Variants in CHMP4B observed in about 807,000 individuals in gnomAD.
CHMP4B encodes the protein SNF7 homolog associated with Alix 1.
Under a neutral mutation model 25.1 loss-of-function variants are expected in CHMP4B, and 1 was observed. The ratio of observed to expected loss-of-function variants is 0.04; its 90% confidence interval spans 0.01 to 0.19. The LOEUF (loss-of-function observed/expected upper bound fraction) is 0.19, where lower values mean the gene tolerates loss of function less well. Among genes scored for constraint, CHMP4B ranks in the 10% least tolerant of loss-of-function variants. The pLI is 1.00. For synonymous variants in CHMP4B, 101 were observed against 115.6 expected (o/e 0.87, Z 0.81); for missense variants, 151 against 289.7 (o/e 0.52, Z 3.48).
intron 4 of CHMP4B, among the ~76,000 whole-genome samples, chr20:33,852,555 G>T (rs537945224): frequency 3.3e-5 from 5 of 152,264 alleles, no homozygotes; most frequent in African/African-American, 1.2e-4. Flanking sequence ...AGTAGCAACC[G>T]CCATGAGTTA....
At chr20:33,836,609 G>A (rs1979398753) in intron 1 of CHMP4B, among the ~76,000 whole-genome samples, 1 of 152,080 alleles carries the variant, frequency 6.6e-6, no homozygotes, top group African/African-American at 2.4e-5. Context: ...TCAGTATTCT[G>A]CTGAATACTT....
intron 1 of CHMP4B, among the ~76,000 whole-genome samples, chr20:33,822,928 A>G (rs1253180471): frequency 2.0e-5 from 3 of 151,742 alleles, no homozygotes; most frequent in African/African-American, 4.8e-5. Flanking sequence ...CTGAGTAGCT[A>G]CAGGTGCCCA....
At chr20:33,840,221 G>C (rs1320405760) in intron 1 of CHMP4B, among the ~76,000 whole-genome samples, 1 of 151,406 alleles carries the variant, frequency 6.6e-6, no homozygotes, top group Non-Finnish European at 1.5e-5. Context: ...ACTCTAGCCT[G>C]GGTGACAGTG....
At chr20:33,838,822 T>C (rs1306627707) in intron 1 of CHMP4B, among the ~76,000 whole-genome samples, 2 of 152,052 alleles carry the variant, frequency 1.3e-5, no homozygotes, top group Non-Finnish European at 2.9e-5. Context: ...GCCTGCTGGG[T>C]CTAGGAAGTG....
chr20:33,829,397 T>C (rs1442300820), intron 1 of CHMP4B, among the ~76,000 whole-genome samples: 1 of 152,192 alleles, frequency 6.6e-6, no homozygotes, highest in Non-Finnish European at 1.5e-5. Flanking sequence ...TGCCTTTCCC[T>C]TGGGAAGCAG....
rs750777455 is a variant in CHMP4B, at chr20:33,838,082, C to T, written c.191-10385C>T. Among the ~76,000 whole-genome samples the T allele has an allele frequency of 6.6e-5, 10 of 152,278 alleles. No homozygotes were observed. The South Asian group carries it at 8.3e-4, about 13-fold the overall frequency. On this transcript the variant is annotated intron_variant, in intron 1 of 4. Coordinates refer to ENST00000217402, the MANE Select transcript of CHMP4B (RefSeq NM_176812.5). ...AAGCCAGATTCGGAATCACAGGACC[C>T]GTGTTGCAGGTTGTGTCTAGATACA...
chr20:33,845,025 C>T (rs1435921782), intron 1 of CHMP4B, among the ~76,000 whole-genome samples: 1 of 152,226 alleles, frequency 6.6e-6, no homozygotes, highest in African/African-American at 2.4e-5. Context: ...CCCCAAAGTG[C>T]TGGGACTACA....
intron 1 of CHMP4B, among the ~76,000 whole-genome samples, chr20:33,840,137 T>C (rs1360988833): frequency 2.0e-5 from 3 of 151,952 alleles, no homozygotes; most frequent in Admixed American, 6.5e-5. Flanking sequence ...TCCCAGCTCC[T>C]TGGGAGGCTG....
At chr20:33,832,485 T>G (rs982057394) in intron 1 of CHMP4B, among the ~76,000 whole-genome samples, 5 of 152,214 alleles carry the variant, frequency 3.3e-5, no homozygotes, top group African/African-American at 1.2e-4. Context: ...GTAAATGATT[T>G]GCTTTTTAAA....
At chr20:33,837,095 A>T (rs1290109647) in intron 1 of CHMP4B, among the ~76,000 whole-genome samples, 1 of 152,204 alleles carries the variant, frequency 6.6e-6, no homozygotes, top group Non-Finnish European at 1.5e-5. Context: ...ATAAAATACG[A>T]GGCTCAGAAC....
chr20:33,821,328 A>G (rs1007245827), intron 1 of CHMP4B, among the ~76,000 whole-genome samples: 6 of 149,218 alleles, frequency 4.0e-5, no homozygotes, highest in Non-Finnish European at 5.9e-5. Context: ...TGGAGGTGGC[A>G]GTGAGCCGAG....
At chr20:33,829,988 G>T (rs1185383489) in intron 1 of CHMP4B, among the ~76,000 whole-genome samples, 2 of 152,212 alleles carry the variant, frequency 1.3e-5, no homozygotes, top group African/African-American at 4.8e-5. Context: ...GATCATCTGG[G>T]CCCATTCCCC....
At chr20:33,848,428 GCCGGGACTC>G (rs1979747123) in intron 1 of CHMP4B, 30 bp from the exon 2 acceptor site, 2 of 1,609,602 alleles carry the variant, frequency 1.2e-6, no homozygotes, top group Admixed American at 1.7e-5. Flanking sequence ...CTCACCCTGT[GCCGGGACTC>G]TCTGAAACCC....
At chr20:33,838,243 G>T (rs184409437) in intron 1 of CHMP4B, among the ~76,000 whole-genome samples, 1 of 152,290 alleles carries the variant, frequency 6.6e-6, no homozygotes, top group Non-Finnish European at 1.5e-5. Flanking sequence ...CTGCCTGAAG[G>T]CAAGGGATTA....
At chr20:33,851,119 G>A (rs917223756) in intron 3 of CHMP4B, 53 bp downstream of exon 3, 27 of 1,107,842 alleles carry the variant, frequency 2.4e-5, no homozygotes, top group Non-Finnish European at 3.6e-5. Flanking sequence ...CCCTGAGGCT[G>A]TCCCTTGATG....
intron 1 of CHMP4B, among the ~76,000 whole-genome samples, chr20:33,831,364 G>A (rs866047654): frequency 6.6e-6 from 1 of 152,132 alleles, no homozygotes; most frequent in East Asian, 1.9e-4. Context: ...GGGATTACAG[G>A]CATGAGCCAC....
At chr20:33,819,105 T>G (rs957342206) in intron 1 of CHMP4B, among the ~76,000 whole-genome samples, 2 of 152,142 alleles carry the variant, frequency 1.3e-5, no homozygotes, top group Non-Finnish European at 2.9e-5. Context: ...AGAGACGAGG[T>G]TTCACCATGT....
At chr20:33,843,793 T>A (rs926231094) in intron 1 of CHMP4B, among the ~76,000 whole-genome samples, 1 of 152,322 alleles carries the variant, frequency 6.6e-6, no homozygotes, top group South Asian at 2.1e-4. Context: ...TTGTAAGATA[T>A]AGGAGGTGGT....
At chr20:33,837,576 G>C (rs1979424932) in intron 1 of CHMP4B, among the ~76,000 whole-genome samples, 1 of 152,188 alleles carries the variant, frequency 6.6e-6, no homozygotes, top group Non-Finnish European at 1.5e-5. Flanking sequence ...GACGGAGGGT[G>C]AAGGTGTCTG....
Sources: gnomAD v4.1 joint callset for allele counts (sites outside exome capture counted in the v4.1 genomes callset) on GRCh38, gnomAD v4.1.1 for gene constraint, MANE v1.5 for transcripts, NCBI Gene and HGNC (gene_info 2026-07-23, HGNC 2026-07-21) for gene names.